The following AXDND1 variants were observed in gnomAD, a reference collection of about 807,000 sequenced individuals.
AXDND1 encodes the protein axonemal dynein light chain domain containing 1.
In AXDND1, 110 loss-of-function variants were observed where a neutral mutation model predicts 137.5. The ratio of observed to expected loss-of-function variants is 0.80; its 90% confidence interval spans 0.69 to 0.94. The LOEUF is 0.94. Among genes scored for constraint, AXDND1 ranks in the 40% least tolerant of loss-of-function variants. The pLI is 0.00. For missense variants in AXDND1, 1,191 were observed against 1,169.8 expected, an observed-to-expected ratio of 1.02 and a Z score of -0.26; for synonymous variants, 414 against 399.7, an observed-to-expected ratio of 1.04 and a Z score of -0.43.
chr1:179,439,842 C>T (rs1658732718), intron 15 of AXDND1, among the ~76,000 whole-genome samples: 1 of 150,604 alleles, frequency 6.6e-6, no homozygotes, highest in Non-Finnish European at 1.5e-5. Context: ...TCCAGTCTCC[C>T]ATTCCATGGC....
intron 3 of AXDND1, 38 bp from the exon 4 acceptor site, chr1:179,369,937 C>T: frequency 6.8e-7 from 1 of 1,465,934 alleles, no homozygotes. Context: ...ATTAGATCGC[C>T]CTCTGCTGGA....
At chr1:179,505,253 C>T (rs1314488448) in intron 20 of AXDND1, among the ~76,000 whole-genome samples, 1 of 152,184 alleles carries the variant, frequency 6.6e-6, no homozygotes, top group Non-Finnish European at 1.5e-5. Context: ...TAGCATTTGA[C>T]CTACTAGACT....
chr1:179,379,435 T>C lies in AXDND1; in HGVS notation c.534T>C (p.Phe178=), dbSNP rs769430363. 6.2e-7 allele frequency: 1 copy of C among 1,613,842 alleles called. No homozygotes were observed. The highest frequency in any genetic ancestry group is 2.2e-5 in the East Asian group (1 of 44,872). ...CAGATACTTTGATTCCTGAAGAATTTCATATTGTGTCAAGTACAGGAGTTT... is the reference window on the plus strand; with the variant it reads ...CAGATACTTTGATTCCTGAAGAATTCCATATTGTGTCAAGTACAGGAGTTT... The part of the protein sequence containing the change: ...TLTDTLIPEE[F]HIVSSTGVSG... The change falls in exon 6 of 26, where the codon TTT becomes TTC. Residue 178 remains phenylalanine, a synonymous_variant. Coordinates refer to ENST00000367618, the MANE Select transcript of AXDND1 (RefSeq NM_144696.6).
intron 20 of AXDND1, 127 bp from the exon 21 acceptor site, chr1:179,509,169 A>G (rs1668794070): frequency 3.3e-6 from 2 of 609,884 alleles, no homozygotes; most frequent in South Asian, 2.1e-5. Flanking sequence ...CAACTCTTTG[A>G]ACTGAACTGA....
At position 179,491,546 on chromosome 1, in the gene AXDND1, G is replaced by A. The variant is rs372523633; in HGVS notation, c.2100G>A (p.Glu700=). Residue 700 remains glutamate, a synonymous_variant, in exon 19 of 26, where the codon GAG becomes GAA. Transcript: ENST00000367618. ...TACTCATTTTTTAACAGATGGATGA[G>A]TTACATATATCTATGATCCAGTGGA... ...GNIELQHHMD[E]LHISMIQWMV... is the part of the protein sequence containing the mutation. The A allele has an allele frequency of 1.4e-5, 22 of 1,599,558 alleles. No individual in the cohort carries two copies. Among genetic ancestry groups the A allele is most frequent in the Non-Finnish European group, 1.7e-5 (20 of 1,168,336 alleles).
chr1:179,390,977 T>C (rs1265644336), intron 9 of AXDND1, among the ~76,000 whole-genome samples: 1 of 152,090 alleles, frequency 6.6e-6, no homozygotes, highest in Non-Finnish European at 1.5e-5. Context: ...TGGCTAATTT[T>C]GTATTTTTAG....
intron 16 of AXDND1, among the ~76,000 whole-genome samples, chr1:179,465,412 C>T (rs994143817): frequency 6.6e-6 from 1 of 152,248 alleles, no homozygotes; most frequent in Non-Finnish European, 1.5e-5. Context: ...GCCTGGGTAT[C>T]ACCAGCGGAG....
chr1:179,528,225 G>A (rs1001183568), intron 22 of AXDND1, 102 bp from the exon 23 acceptor site: 6 of 742,708 alleles, frequency 8.1e-6, no homozygotes, highest in Middle Eastern at 4.9e-4. Flanking sequence ...AATGGAAAAT[G>A]TAAGCTTCCA....
intron 16 of AXDND1, among the ~76,000 whole-genome samples, chr1:179,465,003 T>C (rs1239635635): frequency 6.6e-6 from 1 of 150,630 alleles, no homozygotes; most frequent in African/African-American, 2.5e-5. Flanking sequence ...TTTATTTTAG[T>C]TAGCCATTCA....
Position 179,486,139 on chromosome 1 carries a change from A to AAAAAAAAAAAAAAAAAACAAAAAACT in AXDND1, c.2091+2920_2091+2921insAAAAAAAAAAAAAAACAAAAAACTAA, listed in dbSNP as rs149119239. Among the ~76,000 whole-genome samples, 35 of 87,802 alleles carry AAAAAAAAAAAAAAAAAACAAAAAACT rather than the reference A, an allele frequency of 4.0e-4. 2 individuals are homozygous for AAAAAAAAAAAAAAAAAACAAAAAACT. The highest frequency in any genetic ancestry group is 8.2e-3 in the Middle Eastern group (1 of 122). The allele number at this position is 87,802 out of a possible 152,430, so 57.6% of individuals were successfully genotyped here. On this transcript the variant is annotated intron_variant, in intron 18 of 25. Transcript: ENST00000367618. ...TGTCTCAAAAAAAAAAAAAAAAAAA[A>AAAAAAAAAAAAAAAAAACAAAAAACT]AACCTGATAGAAATGAAAAACACAC...
At chr1:179,435,225 C>T (rs977671849) in intron 15 of AXDND1, among the ~76,000 whole-genome samples, 1 of 152,180 alleles carries the variant, frequency 6.6e-6, no homozygotes, top group African/African-American at 2.4e-5. Flanking sequence ...ATTCCATCCT[C>T]ATGGATAGGA....
intron 9 of AXDND1, among the ~76,000 whole-genome samples, chr1:179,389,810 GA>G (rs1649852834): frequency 6.6e-6 from 1 of 152,112 alleles, no homozygotes; most frequent in Non-Finnish European, 1.5e-5. Flanking sequence ...ATATTGTCAG[GA>G]GGGGGAAATC....
At chr1:179,398,401 ACT>A (rs1256833623) in intron 11 of AXDND1, among the ~76,000 whole-genome samples, 7 of 151,794 alleles carry the variant, frequency 4.6e-5, no homozygotes, top group African/African-American at 1.5e-4. Flanking sequence ...TGGTCACTAC[ACT>A]CTGTTGGGTG....
At chr1:179,529,174 A>T (rs1670827127) in intron 23 of AXDND1, among the ~76,000 whole-genome samples, 1 of 152,212 alleles carries the variant, frequency 6.6e-6, no homozygotes, top group African/African-American at 2.4e-5. Context: ...CTCTCTACAG[A>T]ACACTGTGAC....
intron 17 of AXDND1, among the ~76,000 whole-genome samples, chr1:179,481,662 T>A (rs1181260856): frequency 6.6e-6 from 1 of 152,236 alleles, no homozygotes; most frequent in Non-Finnish European, 1.5e-5. Context: ...TGCTGACTTT[T>A]TAATGATCGC....
rs1387100822 is a variant in AXDND1, at chr1:179,528,415, A to T, written c.2699A>T (p.Asp900Val). ...NVHSKPLFET[D>V]VLSSWRESAK... ...CATTCCAAACCTCTATTTGAAACAG[A>T]TGTGTTGTCTTCCTGGGTATGTATC... Residue 900 changes from aspartate (D) to valine (V), a missense_variant, in exon 23 of 26, where the codon GAT (aspartate) becomes GTT (valine). Asp to Val is a radical substitution (Grantham distance 152, BLOSUM62 -3). Coordinates refer to ENST00000367618, the MANE Select transcript of AXDND1 (RefSeq NM_144696.6). 13 of 1,612,230 alleles carry T rather than the reference A, an allele frequency of 8.1e-6. No homozygotes were observed. Among genetic ancestry groups the T allele is most frequent in the South Asian group, 1.1e-5 (1 of 91,044 alleles).
At chr1:179,505,519 A>G (rs187238790) in intron 20 of AXDND1, among the ~76,000 whole-genome samples, 246 of 151,968 alleles carry the variant, frequency 1.6e-3, no homozygotes, top group African/African-American at 5.7e-3. Context: ...CAGGTGTGGT[A>G]GTGGGTGCCT....
chr1:179,528,118 T>C (rs926206898), intron 22 of AXDND1, among the ~76,000 whole-genome samples: 1 of 152,212 alleles, frequency 6.6e-6, no homozygotes, highest in Non-Finnish European at 1.5e-5. Context: ...GTTTTTCCCA[T>C]AGTTATATCC....
At chr1:179,398,396 A>C (rs1230760203) in intron 11 of AXDND1, among the ~76,000 whole-genome samples, 1 of 152,162 alleles carries the variant, frequency 6.6e-6, no homozygotes. Flanking sequence ...ACCACTGGTC[A>C]CTACACTCTG....
Sources: gnomAD v4.1 joint callset for allele counts (sites outside exome capture counted in the v4.1 genomes callset) on GRCh38, gnomAD v4.1.1 for gene constraint, MANE v1.5 for transcripts, NCBI Gene and HGNC (gene_info 2026-07-23, HGNC 2026-07-21) for gene names.